Variants in TGFBR3 observed in about 807,000 individuals in gnomAD.
TGFBR3 encodes transforming growth factor beta receptor 3, also known as transforming growth factor beta receptor type 3.
A neutral mutation model predicts 87.9 loss-of-function variants in TGFBR3; 46 were observed. That is an observed-to-expected ratio of 0.52 (90% confidence interval 0.41 to 0.67). The LOEUF is 0.67. Ranked by LOEUF, TGFBR3 falls within the 30% of genes least tolerant of loss-of-function variation. TGFBR3 has a pLI of 0.00. For synonymous variants in TGFBR3, 381 were observed against 391.6 expected (o/e 0.97, Z 0.32); for missense variants, 866 against 1,041.9 (o/e 0.83, Z 2.32).
intron 4 of TGFBR3, among the ~76,000 whole-genome samples, chr1:91,740,023 C>A (rs1160369798): frequency 6.6e-6 from 1 of 152,172 alleles, no homozygotes; most frequent in Admixed American, 6.5e-5. Flanking sequence ...TACTACCAGG[C>A]CCCACTTCCA....
At chr1:91,686,737 C>T (rs1178483530) in intron 16 of TGFBR3, among the ~76,000 whole-genome samples, 1 of 152,188 alleles carries the variant, frequency 6.6e-6, no homozygotes. Context: ...GGGTCTTTGG[C>T]TGTCTGCTCT....
chr1:91,709,702 C>A (rs1671916889), intron 13 of TGFBR3, among the ~76,000 whole-genome samples: 1 of 152,208 alleles, frequency 6.6e-6, no homozygotes. Context: ...TATGATCACA[C>A]TCCGCACTTT....
intron 15 of TGFBR3, among the ~76,000 whole-genome samples, chr1:91,696,262 G>A (rs897135908): frequency 1.3e-5 from 2 of 152,142 alleles, no homozygotes; most frequent in Non-Finnish European, 2.9e-5. Flanking sequence ...ACATATTTTT[G>A]TGAACATTTA....
chr1:91,819,961 A>T (rs1005401278), intron 2 of TGFBR3, among the ~76,000 whole-genome samples: 1 of 152,226 alleles, frequency 6.6e-6, no homozygotes, highest in Non-Finnish European at 1.5e-5. Flanking sequence ...TGCAAGCCAC[A>T]GTCTTTCTCA....
At chr1:91,809,832 T>A (rs1675968423) in intron 2 of TGFBR3, among the ~76,000 whole-genome samples, 1 of 152,204 alleles carries the variant, frequency 6.6e-6, no homozygotes, top group Non-Finnish European at 1.5e-5. Context: ...AACTGAGAGC[T>A]GACATTTGCA....
intron 1 of TGFBR3, among the ~76,000 whole-genome samples, chr1:91,903,460 A>T (rs1380960218): frequency 1.3e-5 from 2 of 151,424 alleles, no homozygotes; most frequent in African/African-American, 4.8e-5. Context: ...AAGAATTTTG[A>T]CAGGCTAGGT....
At chr1:91,900,457 C>T (rs377070877) in intron 1 of TGFBR3, among the ~76,000 whole-genome samples, 141 of 152,290 alleles carry the variant, frequency 9.3e-4, no homozygotes, top group African/African-American at 3.3e-3. Flanking sequence ...TTAGATGAAC[C>T]GTTTCTAAAC....
chr1:91,857,403 G>C (rs1344027935), intron 2 of TGFBR3, among the ~76,000 whole-genome samples: 1 of 151,390 alleles, frequency 6.6e-6, no homozygotes, highest in East Asian at 1.9e-4. Flanking sequence ...TTCCGTGCTA[G>C]GCCAGGTTTT....
chr1:91,820,719 G>T (rs1401537128), intron 2 of TGFBR3, among the ~76,000 whole-genome samples: 1 of 152,046 alleles, frequency 6.6e-6, no homozygotes, highest in Non-Finnish European at 1.5e-5. Flanking sequence ...ATCAAAAAGG[G>T]TGTATCTATA....
intron 2 of TGFBR3, among the ~76,000 whole-genome samples, chr1:91,860,016 A>G (rs1229623757): frequency 6.6e-6 from 1 of 152,066 alleles, no homozygotes; most frequent in African/African-American, 2.4e-5. Flanking sequence ...TCTGCACACA[A>G]CCCCAGATCT....
intron 10 of TGFBR3, among the ~76,000 whole-genome samples, chr1:91,717,493 T>C (rs939955781): frequency 6.6e-6 from 1 of 152,196 alleles, no homozygotes; most frequent in East Asian, 1.9e-4. Flanking sequence ...CTGGATTATT[T>C]CTAAATAGGA....
chr1:91,763,486 T>G (rs1037666638), intron 3 of TGFBR3, among the ~76,000 whole-genome samples: 1 of 152,194 alleles, frequency 6.6e-6, no homozygotes, highest in African/African-American at 2.4e-5. Context: ...GATTCAATAA[T>G]CAGTTTACAC....
intron 2 of TGFBR3, among the ~76,000 whole-genome samples, chr1:91,841,918 G>A (rs968097324): frequency 4.0e-5 from 6 of 151,734 alleles, no homozygotes; most frequent in African/African-American, 7.3e-5. Flanking sequence ...GGGCAACAGA[G>A]CAAAACCCCG....
chr1:91,852,770 GT>G (rs1677788005), intron 2 of TGFBR3, among the ~76,000 whole-genome samples: 1 of 152,146 alleles, frequency 6.6e-6, no homozygotes, highest in Non-Finnish European at 1.5e-5. Flanking sequence ...TTAAAATAAA[GT>G]TTGGCACTCT....
intron 3 of TGFBR3, among the ~76,000 whole-genome samples, chr1:91,764,317 CAAAAAAAAA>C (rs200776741): frequency 9.0e-5 from 7 of 77,388 alleles, no homozygotes; most frequent in Admixed American, 3.0e-4. Context: ...ACAAAAGAGA[CAAAAAAAAA>C]AAAAAAAAAA....
intron 2 of TGFBR3, among the ~76,000 whole-genome samples, chr1:91,858,796 C>T (rs1235952784): frequency 6.6e-6 from 1 of 151,990 alleles, no homozygotes; most frequent in African/African-American, 2.4e-5. Flanking sequence ...TGGCTCACAC[C>T]TGTAATCCCA....
intron 4 of TGFBR3, among the ~76,000 whole-genome samples, chr1:91,744,045 T>C (rs1009159384): frequency 2.6e-5 from 4 of 152,156 alleles, no homozygotes; most frequent in African/African-American, 7.2e-5. Flanking sequence ...ATTTTGGATC[T>C]ACTGGGTTAA....
At chr1:91,730,113 G>T in intron 5 of TGFBR3, 140 bp from the exon 6 acceptor site, 1 of 947,808 alleles carries the variant, frequency 1.1e-6, no homozygotes, top group Non-Finnish European at 1.7e-6. Flanking sequence ...CGTCTGTGAA[G>T]TCCGCAACCA....
chr1:91,785,835 G>A (rs920501033), intron 3 of TGFBR3, among the ~76,000 whole-genome samples: 1 of 149,558 alleles, frequency 6.7e-6, no homozygotes, highest in African/African-American at 2.5e-5. Context: ...TGGCGCGATC[G>A]TGGTTCACTG....
Sources: gnomAD v4.1 joint callset for allele counts (sites outside exome capture counted in the v4.1 genomes callset) on GRCh38, gnomAD v4.1.1 for gene constraint, MANE v1.5 for transcripts, NCBI Gene and HGNC (gene_info 2026-07-23, HGNC 2026-07-21) for gene names.